Variants in CNTNAP2 observed in about 807,000 individuals in gnomAD.
CNTNAP2 encodes the protein contactin-associated protein-like 2.
Under a neutral mutation model 155.2 loss-of-function variants are expected in CNTNAP2, and 98 were observed. That is an observed-to-expected ratio of 0.63 (90% CI 0.54 to 0.75). The LOEUF is 0.75. Among genes scored for constraint, CNTNAP2 ranks in the 30% least tolerant of loss-of-function variants. The pLI is 0.00. For missense variants in CNTNAP2, 1,727 were observed against 1,688.1 expected, an observed-to-expected ratio of 1.02 and a Z score of -0.40; for synonymous variants, 651 against 631.2, an observed-to-expected ratio of 1.03 and a Z score of -0.47.
At chr7:147,794,038 G>A (rs1253244761) in intron 13 of CNTNAP2, among the ~76,000 whole-genome samples, 4 of 151,780 alleles carry the variant, frequency 2.6e-5, no homozygotes, top group Non-Finnish European at 5.9e-5. Context: ...CTAATTTTTA[G>A]TTATAATAGT....
At chr7:146,254,157 ACACACAAG>A (rs777549707) in intron 1 of CNTNAP2, among the ~76,000 whole-genome samples, 4,721 of 145,772 alleles carry the variant, frequency 0.032, 100 homozygotes, top group African/African-American at 0.065. Flanking sequence ...ACACACACAC[ACACACAAG>A]CAAACACACA....
intron 14 of CNTNAP2, among the ~76,000 whole-genome samples, chr7:147,954,747 T>G (rs1390323826): frequency 6.6e-6 from 1 of 152,242 alleles, no homozygotes; most frequent in Non-Finnish European, 1.5e-5. Flanking sequence ...ATGTGTTCAG[T>G]ATCCAAAGTG....
At chr7:147,636,492 G>A (rs1029244677) in intron 12 of CNTNAP2, among the ~76,000 whole-genome samples, 14 of 152,078 alleles carry the variant, frequency 9.2e-5, no homozygotes, top group African/African-American at 2.9e-4. Context: ...TTGTTACATA[G>A]ATATACATGT....
chr7:146,227,915 T>G (rs1799322443), intron 1 of CNTNAP2, among the ~76,000 whole-genome samples: 1 of 152,202 alleles, frequency 6.6e-6, no homozygotes, highest in African/African-American at 2.4e-5. Flanking sequence ...AGAGGAATAT[T>G]TTAACACTGA....
At chr7:148,142,619 G>A (rs547170905) in intron 16 of CNTNAP2, among the ~76,000 whole-genome samples, 1 of 152,278 alleles carries the variant, frequency 6.6e-6, no homozygotes, top group African/African-American at 2.4e-5. Flanking sequence ...TCATGCTCAT[G>A]CTATATAACT....
chr7:147,932,243 G>A (rs1257788186), intron 14 of CNTNAP2, among the ~76,000 whole-genome samples: 2 of 152,106 alleles, frequency 1.3e-5, no homozygotes, highest in Non-Finnish European at 2.9e-5. Context: ...AAACACAAAG[G>A]ATCCCAAATA....
intron 8 of CNTNAP2, among the ~76,000 whole-genome samples, chr7:147,143,758 T>C: frequency 6.6e-6 from 1 of 152,314 alleles, no homozygotes; most frequent in Admixed American, 6.5e-5. Context: ...AATTTGATAC[T>C]TTTATAATAA....
In CNTNAP2 at chr7:146,301,125, G is replaced by A. The variant is rs1800601497; in HGVS notation, c.97+184152G>A. ...GCAGACCCAACATTCCAGGTCAACA[G>A]AATCAAAGCAAATGCTGTTTATAAT... On this transcript the variant is annotated intron_variant, in intron 1 of 23. Coordinates refer to ENST00000361727, the MANE Select transcript of CNTNAP2 (RefSeq NM_014141.6). Among the ~76,000 whole-genome samples the A allele has an allele frequency of 2.6e-5, 4 of 152,088 alleles. 1 individual carries two copies. In the South Asian group the frequency reaches 8.3e-4, roughly 31 times the overall value.
intron 13 of CNTNAP2, among the ~76,000 whole-genome samples, chr7:147,870,049 C>A (rs1799301913): frequency 6.6e-6 from 1 of 152,056 alleles, no homozygotes; most frequent in Non-Finnish European, 1.5e-5. Context: ...ATGACTAAGG[C>A]AAAGTCATAT....
At chr7:147,191,398 A>G (rs1802678106) in intron 8 of CNTNAP2, among the ~76,000 whole-genome samples, 1 of 152,228 alleles carries the variant, frequency 6.6e-6, no homozygotes, top group African/African-American at 2.4e-5. Context: ...GTCAAAGTAA[A>G]TAACCCTGTG....
chr7:147,973,801 G>C (rs994816045), intron 14 of CNTNAP2, among the ~76,000 whole-genome samples: 1 of 152,178 alleles, frequency 6.6e-6, no homozygotes, highest in Non-Finnish European at 1.5e-5. Context: ...GATCCAGATA[G>C]TGTGAATCTG....
At chr7:147,678,553 C>T (rs551033197) in intron 13 of CNTNAP2, among the ~76,000 whole-genome samples, 5 of 151,894 alleles carry the variant, frequency 3.3e-5, no homozygotes, top group Non-Finnish European at 5.9e-5. Context: ...AAGGATTCCG[C>T]GTTTTTTATT....
chr7:147,411,695 G>A (rs1563194790), intron 10 of CNTNAP2, among the ~76,000 whole-genome samples: 1 of 152,040 alleles, frequency 6.6e-6, no homozygotes, highest in Non-Finnish European at 1.5e-5. Flanking sequence ...CATTCCAGAA[G>A]TTCCGTGCAA....
At chr7:147,695,762 A>G (rs1007680247) in intron 13 of CNTNAP2, among the ~76,000 whole-genome samples, 3 of 152,298 alleles carry the variant, frequency 2.0e-5, no homozygotes, top group African/African-American at 2.4e-5. Flanking sequence ...AGATTGTGCC[A>G]CTGCACTCCA....
At chr7:146,444,413 T>C in intron 1 of CNTNAP2, among the ~76,000 whole-genome samples, 1 of 152,128 alleles carries the variant, frequency 6.6e-6, no homozygotes, top group South Asian at 2.1e-4. Context: ...ATTTAAAGGA[T>C]ACAGGTAATA....
chr7:146,937,107 G>T (rs540174423), intron 3 of CNTNAP2, among the ~76,000 whole-genome samples: 1 of 152,200 alleles, frequency 6.6e-6, no homozygotes, highest in East Asian at 1.9e-4. Context: ...GTGAAAACCG[G>T]CCGGGCGCAG....
At chr7:147,724,847 A>T (rs115962373) in intron 13 of CNTNAP2, among the ~76,000 whole-genome samples, 1 of 151,998 alleles carries the variant, frequency 6.6e-6, no homozygotes, top group Admixed American at 6.6e-5. Flanking sequence ...AGATGCCACT[A>T]CTGTGAGTTG....
At chr7:146,774,408 A>C in intron 2 of CNTNAP2, 27 bp downstream of exon 2, 1 of 1,461,966 alleles carries the variant, frequency 6.8e-7, no homozygotes, top group Non-Finnish European at 9.6e-7. Flanking sequence ...TTCTTTTATC[A>C]ATAAACATGT....
At chr7:146,306,391 T>A (rs189081919) in intron 1 of CNTNAP2, among the ~76,000 whole-genome samples, 21 of 152,266 alleles carry the variant, frequency 1.4e-4, no homozygotes, top group Non-Finnish European at 7.4e-5. Flanking sequence ...CTCTAATTCA[T>A]TTTTTGAGGC....
Sources: gnomAD v4.1 joint callset for allele counts (sites outside exome capture counted in the v4.1 genomes callset) on GRCh38, gnomAD v4.1.1 for gene constraint, MANE v1.5 for transcripts, NCBI Gene and HGNC (gene_info 2026-07-23, HGNC 2026-07-21) for gene names.